HABP2: variants seen among roughly 807,000 people sequenced by gnomAD.
The protein encoded by HABP2 is hyaluronan binding protein 2.
Under a neutral mutation model 66.5 loss-of-function variants are expected in HABP2, and 65 were observed. The observed-to-expected ratio is 0.98, with a 90% CI of 0.80 to 1.20. The LOEUF is 1.20. Ranked by LOEUF, HABP2 falls within the 50% of genes most tolerant of loss-of-function variation. HABP2 has a pLI of 0.00. For missense variants in HABP2, 786 were observed against 691.0 expected, an observed-to-expected ratio of 1.14 and a Z score of -1.54; for synonymous variants, 263 against 253.9, an observed-to-expected ratio of 1.04 and a Z score of -0.34.
rs1391349669 is a variant in HABP2 at position 113,584,210 on chromosome 10, G to C, written c.1300G>C (p.Val434Leu). 1 of 1,613,604 alleles carries C rather than the reference G, an allele frequency of 6.2e-7. No individual in the cohort carries two copies. Among genetic ancestry groups the C allele is most frequent in the African/African-American group, 1.3e-5 (1 of 75,042 alleles). ...CALESKYVKTVCLPDGSFPSG... is the reference protein window; with the variant it reads ...CALESKYVKTLCLPDGSFPSG... ...TCTAGAATCCAAATACGTGAAGACT[G>C]TGTGCTTGCCTGATGGGTCCTTTCC... The change falls in exon 11 of 13, where the codon GTG becomes CTG. Residue 434 changes from valine (V) to leucine (L), a missense_variant. Val to Leu is a conservative substitution (Grantham distance 32, BLOSUM62 1). Transcript: ENST00000351270.
In HABP2 at chr10:113,578,639, G is replaced by A. The variant is rs545209433; in HGVS notation, c.581G>A (p.Cys194Tyr). The change falls in exon 7 of 13, where the codon TGC becomes TAC. Residue 194 changes from cysteine to tyrosine, a missense_variant. By Grantham distance (194) the Cys-to-Tyr change is radical. Coordinates refer to ENST00000351270, the MANE Select transcript of HABP2 (RefSeq NM_004132.5). Reference sequence around the variant, plus strand: ...TGCTCTCTCGGAGGTTCTGATGACTGCTATGTTGGCGATGGCTACTCTTAC... The same window carrying A: ...TGCTCTCTCGGAGGTTCTGATGACTACTATGTTGGCGATGGCTACTCTTAC... ...GKFCEIGSDD[C>Y]YVGDGYSYRG... 8.1e-6 allele frequency: 13 copies of A among 1,612,692 alleles called. No individual in the cohort carries two copies. In the South Asian group the frequency reaches 1.3e-4, roughly 16 times the overall value.
intron 12 of HABP2, among the ~76,000 whole-genome samples, chr10:113,587,896 G>A (rs969103233): frequency 6.6e-6 from 1 of 152,020 alleles, no homozygotes; most frequent in African/African-American, 2.4e-5. Context: ...CCTCCCCTAT[G>A]TGTGCTGAGG....
At chr10:113,586,002 AC>A in intron 12 of HABP2, 64 bp downstream of exon 12, 1 of 1,445,210 alleles carries the variant, frequency 6.9e-7, no homozygotes, top group Non-Finnish European at 9.7e-7. Flanking sequence ...TAGGCAGAGG[AC>A]CCTTAGAGCC....
Position 113,574,292 on chromosome 10 carries a change from G to T in HABP2, c.110G>T (p.Trp37Leu). The T allele has an allele frequency of 6.5e-7, 1 of 1,534,186 alleles. No individual in the cohort carries two copies. The highest frequency in any genetic ancestry group is 1.1e-5 in the South Asian group (1 of 89,370). ...TGTCCTGTTACCATCCCTGCAGACTGGACCCCTGACCAGTATGATTACAGC... is the reference window on the plus strand; with the variant it reads ...TGTCCTGTTACCATCCCTGCAGACTTGACCCCTGACCAGTATGATTACAGC... ...MSLLESLDPD[W>L]TPDQYDYSYE... Residue 37 changes from tryptophan to leucine, a missense_variant, in exon 3 of 13, where the codon TGG (tryptophan) becomes TTG (leucine). Coordinates refer to ENST00000351270, the MANE Select transcript of HABP2 (RefSeq NM_004132.5).
intron 1 of HABP2, among the ~76,000 whole-genome samples, chr10:113,563,403 A>G (rs1012667507): frequency 6.6e-6 from 1 of 152,172 alleles, no homozygotes; most frequent in East Asian, 1.9e-4. Flanking sequence ...ACGGTCCCTA[A>G]ATATCCAGCC....
At chr10:113,586,244 G>T (rs1845631096) in intron 12 of HABP2, among the ~76,000 whole-genome samples, 1 of 152,198 alleles carries the variant, frequency 6.6e-6, no homozygotes. Context: ...AGTTATCTTG[G>T]CCTATAGCAA....
rs1845701617 is a variant in HABP2 at position 113,588,312 on chromosome 10, A to G, written c.1626A>G (p.Gln542=). The G allele has an allele frequency of 1.2e-6, 2 of 1,613,758 alleles. No homozygotes were observed. Among genetic ancestry groups the G allele is most frequent in the East Asian group, 4.5e-5 (2 of 44,868 alleles). ...ECGKRPGVYT[Q]VTKFLNWIKA... is the part of the protein sequence containing the mutation. ...GGAAGAGGCCAGGGGTCTACACCCAAGTTACCAAATTCCTGAATTGGATCA... is the reference window on the plus strand; with the variant it reads ...GGAAGAGGCCAGGGGTCTACACCCAGGTTACCAAATTCCTGAATTGGATCA... The change falls in exon 13 of 13, where the codon CAA becomes CAG. Residue 542 remains glutamine, a synonymous_variant. Transcript: ENST00000351270.
At chr10:113,568,204 C>T (rs117713954) in intron 2 of HABP2, among the ~76,000 whole-genome samples, 139 of 152,328 alleles carry the variant, frequency 9.1e-4, no homozygotes, top group Non-Finnish European at 1.7e-3. Context: ...GCTCTGGGTT[C>T]GAGTCTCCCT....
intron 1 of HABP2, among the ~76,000 whole-genome samples, chr10:113,560,213 C>T (rs1478267824): frequency 6.6e-6 from 1 of 152,244 alleles, no homozygotes; most frequent in Non-Finnish European, 1.5e-5. Flanking sequence ...TGCAGTGAAC[C>T]TGCCAGTCTT....
At position 113,575,941 on chromosome 10, in the gene HABP2, G is replaced by A. The variant is rs11575750; in HGVS notation, c.268G>A (p.Val90Ile). ...CTGTGAACACGGTGGGGACTGCCTC[G>A]TCCATGGGAGCACCTTCACATGCAG... ...NPCEHGGDCLVHGSTFTCSCL... is the reference protein window; with the variant it reads ...NPCEHGGDCLIHGSTFTCSCL... Residue 90 changes from valine to isoleucine, a missense_variant, in exon 4 of 13, where the codon GTC becomes ATC. Transcript: ENST00000351270. The A allele has an allele frequency of 5.4e-4, 865 of 1,612,638 alleles. 6 individuals carry two copies. The African/African-American group carries it at 9.4e-3, about 18-fold the overall frequency.
Position 113,588,189 on chromosome 10 carries a change from C to T in HABP2, c.1519-16C>T, listed in dbSNP as rs1845694643. 6.3e-7 allele frequency: 1 copy of T among 1,583,688 alleles called. No homozygotes were observed. Among genetic ancestry groups the T allele is most frequent in the Non-Finnish European group, 8.6e-7 (1 of 1,165,180 alleles). On this transcript the variant is annotated splice_polypyrimidine_tract_variant and intron_variant, in intron 12 of 12. Transcript: ENST00000351270. ...TCTGGTTCACGAGGATGAGCTTATGCCTCTGTTTCCCTTAGGGTGACTCTG... is the reference window on the plus strand; with the variant it reads ...TCTGGTTCACGAGGATGAGCTTATGTCTCTGTTTCCCTTAGGGTGACTCTG...
At chr10:113,575,654 G>C (rs1592694403) in intron 3 of HABP2, among the ~76,000 whole-genome samples, 1 of 152,132 alleles carries the variant, frequency 6.6e-6, no homozygotes, top group African/African-American at 2.4e-5. Context: ...CAGGCCGAGG[G>C]GAGACAGTCG....
chr10:113,569,154 C>T (rs1040412322), intron 2 of HABP2, among the ~76,000 whole-genome samples: 7 of 152,220 alleles, frequency 4.6e-5, no homozygotes, highest in Non-Finnish European at 1.0e-4. Flanking sequence ...TTTCCCATCA[C>T]TGGAGGCTTT....
At position 113,582,088 on chromosome 10, in the gene HABP2, C is replaced by T. The variant is rs1845547184; in HGVS notation, c.1051C>T (p.Leu351=). 6.2e-7 allele frequency: 1 copy of T among 1,611,016 alleles called. No homozygotes were observed. The highest frequency in any genetic ancestry group is 1.3e-5 in the African/African-American group (1 of 75,058). ...MPQGHFCGGA[L]IHPCWVLTAA... Reference sequence around the variant, plus strand: ...CCAGGGCCACTTCTGTGGTGGGGCGCTGATCCACCCCTGCTGGGTGCTCAC... The same window carrying T: ...CCAGGGCCACTTCTGTGGTGGGGCGTTGATCCACCCCTGCTGGGTGCTCAC... The change falls in exon 9 of 13, where the codon CTG becomes TTG. Residue 351 remains leucine (L), a synonymous_variant. Coordinates refer to ENST00000351270, the MANE Select transcript of HABP2 (RefSeq NM_004132.5).
At chr10:113,562,749 G>A (rs4387290) in intron 1 of HABP2, among the ~76,000 whole-genome samples, 146,717 of 152,354 alleles carry the variant, frequency 0.96, 70,741 homozygotes, top group East Asian at 1. Context: ...CCGGCCCACA[G>A]ATAAGCCTTT....
chr10:113,583,488 G>C (rs1407897611), intron 10 of HABP2, 130 bp downstream of exon 10: 1 of 753,676 alleles, frequency 1.3e-6, no homozygotes, highest in East Asian at 2.6e-5. Context: ...TGTGCGGTAG[G>C]GAATGTATTC....
Position 113,583,288 on chromosome 10 carries a change from C to A in HABP2, c.1167C>A (p.Ser389Arg), listed in dbSNP as rs750944939. ...DLKKEEFHEQ[S>R]FRVEKIFKYS... ...AGAAAGAAGAATTTCATGAGCAGAGCTTTAGGGTGGAGAAGATATTCAAGT... is the reference window on the plus strand; with the variant it reads ...AGAAAGAAGAATTTCATGAGCAGAGATTTAGGGTGGAGAAGATATTCAAGT... The change falls in exon 10 of 13, where the codon AGC becomes AGA. Residue 389 changes from serine to arginine, a missense_variant. Coordinates refer to ENST00000351270, the MANE Select transcript of HABP2 (RefSeq NM_004132.5). The A allele has an allele frequency of 1.2e-6, 2 of 1,610,898 alleles. No individual in the cohort carries two copies. The highest frequency in any genetic ancestry group is 3.3e-5 in the Admixed American group (2 of 60,008).
At chr10:113,557,607 G>T (rs1845021429) in intron 1 of HABP2, among the ~76,000 whole-genome samples, 1 of 152,154 alleles carries the variant, frequency 6.6e-6, no homozygotes, top group Non-Finnish European at 1.5e-5. Flanking sequence ...CGGGGAGGGG[G>T]TTGGTGCGCC....
At chr10:113,566,530 G>A (rs1845201128) in intron 1 of HABP2, among the ~76,000 whole-genome samples, 1 of 152,212 alleles carries the variant, frequency 6.6e-6, no homozygotes, top group South Asian at 2.1e-4. Flanking sequence ...TCTATGCTAG[G>A]TATTGGGTAA....
Sources: gnomAD v4.1 joint callset for allele counts (sites outside exome capture counted in the v4.1 genomes callset) on GRCh38, gnomAD v4.1.1 for gene constraint, MANE v1.5 for transcripts, NCBI Gene and HGNC (gene_info 2026-07-23, HGNC 2026-07-21) for gene names.